The following RAB3GAP2 variants were observed in gnomAD, a reference collection of about 807,000 sequenced individuals.
RAB3GAP2 encodes rab3 GTPase-activating protein non-catalytic subunit.
Under a neutral mutation model 185.3 loss-of-function variants are expected in RAB3GAP2, and 87 were observed. That is an observed-to-expected ratio of 0.47 (90% confidence interval 0.39 to 0.56). The LOEUF is 0.56. Ranked by LOEUF, RAB3GAP2 falls within the 20% of genes least tolerant of loss-of-function variation. RAB3GAP2 has a pLI of 0.00. For synonymous variants in RAB3GAP2, 554 were observed against 576.1 expected (o/e 0.96, Z 0.55); for missense variants, 1,492 against 1,638.2 (o/e 0.91, Z 1.54).
rs869078507 is a variant in RAB3GAP2 at position 220,243,055 on chromosome 1, T to TA, written c.116-10193dup. Among the ~76,000 whole-genome samples, 10 of 151,938 alleles carry TA rather than the reference T, an allele frequency of 6.6e-5. No homozygotes were observed. In the East Asian group the frequency reaches 1.3e-3, roughly 20 times the overall value. ...CCTTCAACATCAGCCTTTATTTTTTTAAAAAAAAGATATAACAGGCTGGGC... is the reference window on the plus strand; with the variant it reads ...CCTTCAACATCAGCCTTTATTTTTTTAAAAAAAAAGATATAACAGGCTGGGC... On this transcript the variant is annotated intron_variant, in intron 1 of 34. Transcript: ENST00000358951.
At chr1:220,241,858 ATAT>A (rs1659703508) in intron 1 of RAB3GAP2, among the ~76,000 whole-genome samples, 2 of 151,960 alleles carry the variant, frequency 1.3e-5, no homozygotes, top group South Asian at 4.2e-4. Context: ...TCATATTTAT[ATAT>A]TATTTATTTT....
intron 26 of RAB3GAP2, among the ~76,000 whole-genome samples, chr1:220,165,310 A>T (rs1658043901): frequency 6.6e-6 from 1 of 151,400 alleles, no homozygotes; most frequent in Non-Finnish European, 1.5e-5. Context: ...TTAATATATT[A>T]TATTTAGTAT....
At position 220,210,940 on chromosome 1, in the gene RAB3GAP2, C is replaced by G. The variant is rs1659074853; in HGVS notation, c.434+15G>C. ...ATCAAAGCAAAGAAAACAGATGACTCTTATTTATCCTTACCTCTTTTGGCT... is the reference window on the plus strand; with the variant it reads ...ATCAAAGCAAAGAAAACAGATGACTGTTATTTATCCTTACCTCTTTTGGCT... On this transcript the variant is annotated intron_variant, in intron 5 of 34. Coordinates refer to ENST00000358951, the MANE Select transcript of RAB3GAP2 (RefSeq NM_012414.4). 1 of 1,613,784 alleles carries G rather than the reference C, an allele frequency of 6.2e-7. No homozygotes were observed. Among genetic ancestry groups the G allele is most frequent in the African/African-American group, 1.3e-5 (1 of 74,922 alleles).
rs1239661786 is a variant in RAB3GAP2, at chr1:220,189,750, T to C, written c.1732A>G (p.Ile578Val). Reference protein sequence around the residue: ...SPNLDLVETEIKELILDIKYP... With the variant: ...SPNLDLVETEVKELILDIKYP... ...TTAATATCAAGAATTAATTCCTTTA[T>C]TTCTGTTTCAACCAAATCTATAAAG... is the stretch of plus-strand genomic sequence containing the variant. The change falls in exon 17 of 35, where the codon ATA (isoleucine) becomes GTA (valine). Residue 578 changes from isoleucine to valine, a missense_variant. Around this residue, in one of 5 missense-constraint regions of RAB3GAP2, gnomAD observed 681 missense variants for 689.1 expected, o/e 0.99. Transcript: ENST00000358951. 6.5e-7 allele frequency: 1 copy of C among 1,529,778 alleles called. No homozygotes were observed. The highest frequency in any genetic ancestry group is 8.9e-7 in the Non-Finnish European group (1 of 1,119,498). The allele number at this position is 1,529,778 out of a possible 1,614,324, so 94.8% of individuals were successfully genotyped here.
At chr1:220,267,231 A>G in intron 1 of RAB3GAP2, 1 of 916,652 alleles carries the variant, frequency 1.1e-6, no homozygotes, top group Non-Finnish European at 1.8e-6. Flanking sequence ...TTCTCTGCTC[A>G]TCAAACTTTG....
chr1:220,151,094 T>C lies in RAB3GAP2; in HGVS notation c.*157A>G, dbSNP rs1386253367. On this transcript the variant is annotated 3_prime_UTR_variant, in exon 35 of 35. Transcript: ENST00000358951. ...CCAAAGGAGTGGAATTTAGCCAGGG[T>C]TGCACTTTTTAAAAGTTGTATATAC... 1.0e-5 allele frequency: 7 copies of C among 696,864 alleles called. No homozygotes were observed. Among genetic ancestry groups the C allele is most frequent in the South Asian group, 2.0e-5 (1 of 50,174 alleles). 43.2% of individuals were successfully genotyped at this position (696,864 alleles called of 1,614,324 possible).
chr1:220,186,341 C>T (rs1658507050), intron 17 of RAB3GAP2, among the ~76,000 whole-genome samples: 1 of 152,152 alleles, frequency 6.6e-6, no homozygotes, highest in Admixed American at 6.6e-5. Flanking sequence ...TTCATATTAG[C>T]ACATTAAGTT....
intron 21 of RAB3GAP2, among the ~76,000 whole-genome samples, chr1:220,176,868 C>T (rs546192955): frequency 6.6e-6 from 1 of 152,312 alleles, no homozygotes; most frequent in Admixed American, 6.5e-5. Context: ...ATTCCCACAG[C>T]TGATCCCAAG....
Position 220,204,428 on chromosome 1 carries a change from T to G in RAB3GAP2, c.712+1479A>C, listed in dbSNP as rs572537346. 4.6e-5 allele frequency among the ~76,000 whole-genome samples: 7 copies of G among 152,284 alleles called. No individual in the cohort carries two copies. In the South Asian group the frequency reaches 8.3e-4, roughly 18 times the overall value. On this transcript the variant is annotated intron_variant, in intron 8 of 34. Transcript: ENST00000358951. ...AAGGCAATTTTCCGTAGGTAAGAAG[T>G]CCATTAATTTAATAAACTAGAAATA...
chr1:220,164,362 G>A (rs1235500213), intron 27 of RAB3GAP2, among the ~76,000 whole-genome samples: 2 of 151,820 alleles, frequency 1.3e-5, no homozygotes, highest in African/African-American at 2.4e-5. Context: ...TCAGCTGCTT[G>A]GGGAACAGAA....
intron 1 of RAB3GAP2, chr1:220,266,275 A>T (rs1417910489): frequency 4.0e-6 from 1 of 247,086 alleles, no homozygotes; most frequent in Non-Finnish European, 8.0e-6. Context: ...CAACAGCTTT[A>T]CCAGGCTTGG....
chr1:220,231,218 C>T (rs1362590371), intron 2 of RAB3GAP2, among the ~76,000 whole-genome samples: 1 of 152,208 alleles, frequency 6.6e-6, no homozygotes, highest in Non-Finnish European at 1.5e-5. Flanking sequence ...ATCACACTGG[C>T]CTTCTTTATG....
At chr1:220,176,311 A>C (rs74139290) in intron 21 of RAB3GAP2, among the ~76,000 whole-genome samples, 3,090 of 152,254 alleles carry the variant, frequency 0.02, 103 homozygotes, top group African/African-American at 0.071. Flanking sequence ...ATGATGTCTA[A>C]ATAATAGATT....
intron 2 of RAB3GAP2, among the ~76,000 whole-genome samples, chr1:220,221,204 A>G (rs1659301158): frequency 6.6e-6 from 1 of 152,210 alleles, no homozygotes; most frequent in Non-Finnish European, 1.5e-5. Context: ...CACTGTCCTC[A>G]TGGCTATATT....
chr1:220,257,392 CA>C (rs1291624323), intron 1 of RAB3GAP2, among the ~76,000 whole-genome samples: 4 of 148,064 alleles, frequency 2.7e-5, no homozygotes, highest in African/African-American at 5.0e-5. Flanking sequence ...AAAAACAAAA[CA>C]AAAAAAAACA....
chr1:220,204,743 C>T (rs371784038), intron 8 of RAB3GAP2, among the ~76,000 whole-genome samples: 1 of 125,256 alleles, frequency 8.0e-6, no homozygotes. Flanking sequence ...CCCCTCCCCC[C>T]ACCCCACAAC....
intron 2 of RAB3GAP2, among the ~76,000 whole-genome samples, chr1:220,226,454 G>A (rs1659403985): frequency 6.7e-6 from 1 of 150,282 alleles, no homozygotes. Flanking sequence ...AACCAGCAAA[G>A]CTATTTACTA....
chr1:220,182,243 CA>C lies in RAB3GAP2; in HGVS notation c.2310+13del. Reference sequence around the variant, plus strand: ...ACAAGGAAGAACAGCATCCAGCAACCAAAAAAACCTTACCAACAACAGCTGA... The same window carrying C: ...ACAAGGAAGAACAGCATCCAGCAACCAAAAAACCTTACCAACAACAGCTGA... On this transcript the variant is annotated intron_variant, in intron 21 of 34. Coordinates refer to ENST00000358951, the MANE Select transcript of RAB3GAP2 (RefSeq NM_012414.4). The C allele has an allele frequency of 2.5e-6, 4 of 1,613,118 alleles. No individual in the cohort carries two copies. The highest frequency in any genetic ancestry group is 3.4e-6 in the Non-Finnish European group (4 of 1,179,634).
rs138501434 is a variant in RAB3GAP2 at position 220,236,810 on chromosome 1, A to G, written c.116-3947T>C. Among the ~76,000 whole-genome samples the G allele has an allele frequency of 1.5e-3, 226 of 152,234 alleles. 2 individuals carry two copies. Among genetic ancestry groups the G allele is most frequent in the African/African-American group, 5.3e-3 (222 of 41,538 alleles). On this transcript the variant is annotated intron_variant, in intron 1 of 34. Coordinates refer to ENST00000358951, the MANE Select transcript of RAB3GAP2 (RefSeq NM_012414.4). ...CAAGAAGGATGGTATTCTTTAATCA[A>G]TATCATTAGTATTTTTTAATTGATC...
Sources: gnomAD v4.1 joint callset for allele counts (sites outside exome capture counted in the v4.1 genomes callset) on GRCh38, gnomAD v4.1.1 for gene constraint, gnomAD v4.1.1 regional missense constraint, MANE v1.5 for transcripts, NCBI Gene and HGNC (gene_info 2026-07-23, HGNC 2026-07-21) for gene names.